The following CDH4 variants were observed in gnomAD, a reference collection of about 807,000 sequenced individuals.
CDH4 encodes the protein cadherin-4.
In CDH4, 33 loss-of-function variants were observed where a neutral mutation model predicts 86.0. The observed-to-expected ratio is 0.38, with a 90% CI of 0.29 to 0.51. CDH4 has a LOEUF of 0.51. Ranked by LOEUF, CDH4 falls within the 20% of genes least tolerant of loss-of-function variation. CDH4 has a pLI of 0.86. For synonymous variants in CDH4, 555 were observed against 549.4 expected, an observed-to-expected ratio of 1.01 and a Z score of -0.14; for missense variants, 1,114 against 1,307.4, an observed-to-expected ratio of 0.85 and a Z score of 2.28.
chr20:61,909,126 C>G (rs2054822807), intron 8 of CDH4, among the ~76,000 whole-genome samples: 1 of 152,226 alleles, frequency 6.6e-6, no homozygotes, highest in Non-Finnish European at 1.5e-5. Flanking sequence ...CTAACAGTGC[C>G]TCATGCCAGG....
intron 4 of CDH4, among the ~76,000 whole-genome samples, chr20:61,837,329 G>A (rs931347177): frequency 1.3e-5 from 2 of 152,194 alleles, no homozygotes; most frequent in African/African-American, 4.8e-5. Flanking sequence ...CAGACCCTGT[G>A]GATGGCAGGG....
intron 2 of CDH4, among the ~76,000 whole-genome samples, chr20:61,693,168 G>T (rs1290437657): frequency 6.6e-6 from 1 of 152,190 alleles, no homozygotes; most frequent in Non-Finnish European, 1.5e-5. Flanking sequence ...CAGTATATCA[G>T]ATGCTTCCCT....
At chr20:61,672,182 T>C (rs1458883653) in intron 2 of CDH4, among the ~76,000 whole-genome samples, 1 of 150,398 alleles carries the variant, frequency 6.6e-6, no homozygotes, top group Non-Finnish European at 1.5e-5. Flanking sequence ...AATGGGTGGG[T>C]ATATGGATAA....
At chr20:61,565,241 GGCGGT>G (rs1568688649) in intron 2 of CDH4, among the ~76,000 whole-genome samples, 1 of 26,980 alleles carries the variant, frequency 3.7e-5, no homozygotes. Flanking sequence ...TGGTGGTGGT[GGCGGT>G]GCTCTTGGTG....
At chr20:61,819,639 C>A (rs1474268614) in intron 4 of CDH4, among the ~76,000 whole-genome samples, 1 of 152,180 alleles carries the variant, frequency 6.6e-6, no homozygotes, top group Non-Finnish European at 1.5e-5. Flanking sequence ...CTTTTGATAG[C>A]CTTGTGGGTT....
chr20:61,692,135 C>CTGTA (rs375291504), intron 2 of CDH4, among the ~76,000 whole-genome samples: 1,728 of 140,740 alleles, frequency 0.012, 36 homozygotes, highest in African/African-American at 0.042. Flanking sequence ...CTGTGTGTGT[C>CTGTA]TGTATGTATG....
intron 2 of CDH4, among the ~76,000 whole-genome samples, chr20:61,283,675 C>T (rs184492351): frequency 6.6e-6 from 1 of 152,342 alleles, no homozygotes; most frequent in East Asian, 1.9e-4. Context: ...GTGCTCTCCT[C>T]CTGGGACTGA....
intron 2 of CDH4, among the ~76,000 whole-genome samples, chr20:61,720,581 GAGT>G (rs563702841): frequency 9.9e-4 from 149 of 150,618 alleles, no homozygotes; most frequent in East Asian, 8.1e-3. Context: ...CAGGGGTACA[GAGT>G]AGGGGTGTAC....
intron 7 of CDH4, among the ~76,000 whole-genome samples, chr20:61,880,665 C>T (rs958531569): frequency 7.2e-5 from 11 of 152,202 alleles, no homozygotes; most frequent in African/African-American, 2.2e-4. Flanking sequence ...ACCCCCAGGA[C>T]GCAGAGGCCG....
At chr20:61,658,469 T>A (rs2145827855) in intron 2 of CDH4, among the ~76,000 whole-genome samples, 1 of 152,312 alleles carries the variant, frequency 6.6e-6, no homozygotes, top group South Asian at 2.1e-4. Context: ...CTTGGGGTGC[T>A]CTGATCTATA....
intron 2 of CDH4, among the ~76,000 whole-genome samples, chr20:61,571,468 G>A (rs571447853): frequency 2.0e-5 from 3 of 152,256 alleles, no homozygotes; most frequent in South Asian, 2.1e-4. Flanking sequence ...ACCCAGCTCC[G>A]TGGGCCACGT....
At chr20:61,320,343 C>T (rs1600863418) in intron 2 of CDH4, among the ~76,000 whole-genome samples, 1 of 152,142 alleles carries the variant, frequency 6.6e-6, no homozygotes, top group South Asian at 2.1e-4. Context: ...GTGCTAGGCA[C>T]AGGGTGTCAT....
At chr20:61,266,405 G>A (rs1170045010) in intron 2 of CDH4, among the ~76,000 whole-genome samples, 1 of 151,964 alleles carries the variant, frequency 6.6e-6, no homozygotes, top group East Asian at 1.9e-4. Context: ...GTGCCCTTGG[G>A]TTTCTGTGTC....
chr20:61,801,402 G>A (rs1160792297), intron 4 of CDH4, among the ~76,000 whole-genome samples: 2 of 152,168 alleles, frequency 1.3e-5, no homozygotes, highest in African/African-American at 4.8e-5. Context: ...GTTCTGAGAC[G>A]TCATCCCGAA....
chr20:61,553,099 GCCA>G, intron 2 of CDH4, among the ~76,000 whole-genome samples: 1 of 152,320 alleles, frequency 6.6e-6, no homozygotes, highest in East Asian at 1.9e-4. Flanking sequence ...GGAATATTCA[GCCA>G]TATAAAGGAA....
At chr20:61,551,029 G>A (rs2086125584) in intron 2 of CDH4, among the ~76,000 whole-genome samples, 2 of 152,194 alleles carry the variant, frequency 1.3e-5, no homozygotes, top group South Asian at 4.1e-4. Flanking sequence ...TGTGATTTAG[G>A]ACAAACCATT....
chr20:61,376,843 G>A (rs1002711728), intron 2 of CDH4, among the ~76,000 whole-genome samples: 4 of 152,224 alleles, frequency 2.6e-5, no homozygotes, highest in Admixed American at 2.0e-4. Context: ...GGCACCGGGA[G>A]GCACTACCTA....
At chr20:61,452,034 C>A (rs2145547533) in intron 2 of CDH4, among the ~76,000 whole-genome samples, 1 of 152,316 alleles carries the variant, frequency 6.6e-6, no homozygotes, top group Admixed American at 6.5e-5. Context: ...ACGGCTGTGG[C>A]CCCTTCCTGA....
At chr20:61,860,960 A>C (rs770189855) in intron 6 of CDH4, among the ~76,000 whole-genome samples, 1 of 152,196 alleles carries the variant, frequency 6.6e-6, no homozygotes, top group South Asian at 2.1e-4. Context: ...ATCAGCATGC[A>C]GCCCCCCAGG....
Sources: gnomAD v4.1 joint callset for allele counts (sites outside exome capture counted in the v4.1 genomes callset) on GRCh38, gnomAD v4.1.1 for gene constraint, MANE v1.5 for transcripts, NCBI Gene and HGNC (gene_info 2026-07-23, HGNC 2026-07-21) for gene names.